The following ANKRD30B variants were observed in gnomAD, a reference collection of about 807,000 sequenced individuals.
The protein encoded by ANKRD30B is ankyrin repeat domain-containing protein 30B.
In ANKRD30B, 144 loss-of-function variants were observed where a neutral mutation model predicts 202.2. That is an observed-to-expected ratio of 0.71 (90% confidence interval 0.62 to 0.82). The LOEUF (loss-of-function observed/expected upper bound fraction) is 0.82. Ranked by LOEUF, ANKRD30B falls within the 40% of genes least tolerant of loss-of-function variation. ANKRD30B has a pLI of 0.00. For missense variants in ANKRD30B, 1,487 were observed against 1,669.1 expected (o/e 0.89, Z 1.90); for synonymous variants, 508 against 561.3 (o/e 0.91, Z 1.34).
chr18:14,818,838 T>C (rs1019673076), intron 30 of ANKRD30B, among the ~76,000 whole-genome samples: 50 of 152,052 alleles, frequency 3.3e-4, no homozygotes, highest in African/African-American at 1.1e-3. Flanking sequence ...GCATGTGTCG[T>C]TATAGCAGCA....
chr18:14,759,546 G>C (rs1598572175), intron 5 of ANKRD30B, among the ~76,000 whole-genome samples: 1 of 152,140 alleles, frequency 6.6e-6, no homozygotes, highest in Non-Finnish European at 1.5e-5. Context: ...GTAGGGTTTT[G>C]TGTTCCACAG....
the ANKRD30B span, among the ~76,000 whole-genome samples, chr18:14,909,664 C>T: frequency 6.6e-6 from 1 of 152,164 alleles, no homozygotes; most frequent in Admixed American, 6.5e-5. Context: ...TGCTTGGCCT[C>T]CCAAAGTGCT....
At chr18:14,793,735 A>C (rs527346235) in intron 16 of ANKRD30B, among the ~76,000 whole-genome samples, 19 of 152,082 alleles carry the variant, frequency 1.2e-4, no homozygotes, top group African/African-American at 4.3e-4. Flanking sequence ...TCTAATAAAA[A>C]TACAAAAAAT....
chr18:14,887,844 C>T, the ANKRD30B span, among the ~76,000 whole-genome samples: 2 of 151,002 alleles, frequency 1.3e-5, no homozygotes, highest in Admixed American at 6.6e-5. Flanking sequence ...GTGGGAAGAA[C>T]ATTATTAAAG....
At chr18:14,806,223 A>G (rs568554703) in intron 24 of ANKRD30B, among the ~76,000 whole-genome samples, 1 of 102,518 alleles carries the variant, frequency 9.8e-6, no homozygotes, top group African/African-American at 3.7e-5. Context: ...CCGCCAAAAA[A>G]AAAAAAGAAA....
chr18:14,761,106 T>C (rs1915188025), intron 6 of ANKRD30B, among the ~76,000 whole-genome samples: 1 of 152,194 alleles, frequency 6.6e-6, no homozygotes, highest in Non-Finnish European at 1.5e-5. Context: ...TTACATGCCC[T>C]GAATTACAAG....
At chr18:14,898,739 C>T in the ANKRD30B span, among the ~76,000 whole-genome samples, 82 of 152,248 alleles carry the variant, frequency 5.4e-4, 2 homozygotes, top group East Asian at 0.015. Context: ...TCAGGTGGTT[C>T]ATTACATTTA....
the ANKRD30B span, among the ~76,000 whole-genome samples, chr18:14,928,502 C>T: frequency 1.3e-5 from 2 of 152,144 alleles, no homozygotes; most frequent in Non-Finnish European, 1.5e-5. Flanking sequence ...CACATTTTCT[C>T]TGTCAGATGG....
chr18:14,775,149 G>T (rs73427586), intron 9 of ANKRD30B, among the ~76,000 whole-genome samples: 1,727 of 152,188 alleles, frequency 0.011, 35 homozygotes, highest in African/African-American at 0.04. Context: ...AGCAAACCAA[G>T]AAATTATTTT....
At chr18:14,885,036 A>T in the ANKRD30B span, among the ~76,000 whole-genome samples, 13 of 152,218 alleles carry the variant, frequency 8.5e-5, no homozygotes, top group East Asian at 1.9e-3. Context: ...AACCAGAGAG[A>T]CCAGTTAATA....
At chr18:14,921,407 G>C in the ANKRD30B span, among the ~76,000 whole-genome samples, 2 of 150,818 alleles carry the variant, frequency 1.3e-5, no homozygotes, top group African/African-American at 5.0e-5. Flanking sequence ...AATGAGGCGC[G>C]TGTTTAGATA....
intron 7 of ANKRD30B, among the ~76,000 whole-genome samples, chr18:14,769,079 A>G (rs1045032710): frequency 3.9e-5 from 6 of 152,206 alleles, no homozygotes; most frequent in South Asian, 2.1e-4. Flanking sequence ...TCTTCATAAC[A>G]AAGTGTTGGA....
the ANKRD30B span, among the ~76,000 whole-genome samples, chr18:14,883,277 G>C: frequency 6.6e-6 from 1 of 151,192 alleles, no homozygotes; most frequent in African/African-American, 2.4e-5. Context: ...TGGGCCACCT[G>C]TCATATACAC....
chr18:14,792,595 G>C (rs1038001752), intron 16 of ANKRD30B, among the ~76,000 whole-genome samples: 1 of 151,820 alleles, frequency 6.6e-6, no homozygotes, highest in Non-Finnish European at 1.5e-5. Context: ...AATTCACTTC[G>C]GAAGCATTTA....
At chr18:14,759,914 T>A (rs1042455627) in intron 5 of ANKRD30B, among the ~76,000 whole-genome samples, 1 of 152,078 alleles carries the variant, frequency 6.6e-6, no homozygotes, top group African/African-American at 2.4e-5. Flanking sequence ...AAAATTAAAT[T>A]TATTTTTTGT....
chr18:14,800,841 C>T (rs1165359235), intron 22 of ANKRD30B, among the ~76,000 whole-genome samples: 1 of 39,682 alleles, frequency 2.5e-5, no homozygotes, highest in South Asian at 8.3e-4. Context: ...TTTTTAGAGA[C>T]GTCCATAAAG....
At chr18:14,822,793 G>T in intron 32 of ANKRD30B, 116 bp downstream of exon 32, 1 of 1,349,168 alleles carries the variant, frequency 7.4e-7, no homozygotes, top group Non-Finnish European at 9.9e-7. Flanking sequence ...GGGAAAATTT[G>T]ACACAAATAA....
chr18:14,850,033 G>A lies in ANKRD30B; in HGVS notation c.3396-181G>A, dbSNP rs182558650. On this transcript the variant is annotated intron_variant, in intron 40 of 43. Coordinates refer to ENST00000690538, the MANE Select transcript of ANKRD30B (RefSeq NM_001367607.2). ...GAAGTTTTTTCTCACTATTTTTCAA[G>A]TATGTATGTCATTTGGAAGAGGTTA... is the stretch of plus-strand genomic sequence containing the variant. Among the ~76,000 whole-genome samples the A allele has an allele frequency of 6.4e-3, 974 of 151,404 alleles. 5 individuals carry two copies. The highest frequency in any genetic ancestry group is 9.5e-3 in the Non-Finnish European group (639 of 67,596).
the ANKRD30B span, among the ~76,000 whole-genome samples, chr18:14,913,143 CTGTGGCCCTTTAA>C: frequency 6.6e-6 from 1 of 152,376 alleles, no homozygotes; most frequent in East Asian, 1.9e-4. Context: ...CATGTGGAAT[CTGTGGCCCTTTAA>C]TGCACTATTT....
Sources: allele counts gnomAD v4.1 joint callset (sites outside exome capture counted in the v4.1 genomes callset), GRCh38; gene constraint gnomAD v4.1.1; transcripts MANE v1.5; gene names NCBI Gene and HGNC (gene_info 2026-07-23, HGNC 2026-07-21).